The following TTK variants were observed in gnomAD, a reference collection of about 807,000 sequenced individuals.
TTK encodes the protein dual specificity protein kinase TTK.
TTK carries 59 observed loss-of-function variants against 117.3 expected under a neutral mutation model. The ratio of observed to expected loss-of-function variants is 0.50; its 90% CI spans 0.41 to 0.62. The LOEUF is 0.62. Among genes scored for constraint, TTK ranks in the 20% least tolerant of loss-of-function variants. The probability of loss-of-function intolerance (pLI) is 0.00; values close to 1 mark genes in which losing one functional copy is unlikely to be tolerated. For synonymous variants in TTK, 302 were observed against 325.0 expected (o/e 0.93, Z 0.76); for missense variants, 921 against 989.4 (o/e 0.93, Z 0.93).
At chr6:80,012,492 T>C (rs1248239323) in intron 8 of TTK, among the ~76,000 whole-genome samples, 3 of 152,000 alleles carry the variant, frequency 2.0e-5, no homozygotes, top group Non-Finnish European at 4.4e-5. Context: ...TCCCTCAATT[T>C]GCTTGTTTAT....
At chr6:80,022,603 T>C (rs967329520) in intron 11 of TTK, 131 bp downstream of exon 11, 1 of 1,045,592 alleles carries the variant, frequency 9.6e-7, no homozygotes, top group Admixed American at 3.1e-5. Flanking sequence ...TTAAAGGTTT[T>C]TAAAATCATT....
intron 10 of TTK, among the ~76,000 whole-genome samples, chr6:80,022,084 C>T (rs1767474154): frequency 6.6e-6 from 1 of 152,116 alleles, no homozygotes; most frequent in South Asian, 2.1e-4. Context: ...TTAAATGTGG[C>T]AAGGTCTCTG....
At chr6:80,024,612 G>C (rs1767556189) in intron 11 of TTK, among the ~76,000 whole-genome samples, 1 of 152,202 alleles carries the variant, frequency 6.6e-6, no homozygotes, top group Admixed American at 6.5e-5. Flanking sequence ...GGGGAGTGGG[G>C]AGTGATTGCT....
At chr6:80,036,645 T>C (rs1276171482) in intron 17 of TTK, 46 bp downstream of exon 17, 2 of 1,545,466 alleles carry the variant, frequency 1.3e-6, no homozygotes, top group Admixed American at 4.1e-5. Flanking sequence ...CAATTCTTTT[T>C]TTACCTGTGA....
In TTK at chr6:80,031,497, A is replaced by G; in HGVS notation, c.1552A>G (p.Ile518Val). 1 of 1,521,740 alleles carries G rather than the reference A, an allele frequency of 6.6e-7. No individual in the cohort carries two copies. 94.3% of individuals were successfully genotyped at this position (1,521,740 alleles called of 1,614,324 possible). A position where few individuals can be genotyped will look rare whatever the true frequency, so the allele number is the denominator to read the frequency against. Residue 518 changes from isoleucine to valine, a missense_variant, in exon 14 of 22, where the codon ATT becomes GTT. Ile to Val is a conservative substitution (Grantham distance 29, BLOSUM62 3). Coordinates refer to ENST00000369798, the MANE Select transcript of TTK (RefSeq NM_003318.5). ...VLASSSANEC[I>V]SVKGRIYSIL... The stretch of plus-strand genomic sequence containing the variant: ...AGCATCTTCTTCAGCAAATGAATGC[A>G]TTTCGGTTAAAGGAAGAATTTATTC...
In TTK at chr6:80,042,260, C is replaced by T. The variant is rs1415877956; in HGVS notation, c.*58C>T. 6.8e-6 allele frequency: 9 copies of T among 1,327,394 alleles called. No individual in the cohort carries two copies. The Admixed American group carries it at 8.2e-5, about 12-fold the overall frequency. The allele number at this position is 1,327,394 out of a possible 1,614,324, so 82.2% of individuals were successfully genotyped here. A position where few individuals can be genotyped will look rare whatever the true frequency, so the allele number is the denominator to read the frequency against. ...ATAAAATATATTGGACTGTTATACT[C>T]TTGAATCCCTGTGGAAATCTACATT... On this transcript the variant is annotated 3_prime_UTR_variant, in exon 22 of 22. Coordinates refer to ENST00000369798, the MANE Select transcript of TTK (RefSeq NM_003318.5).
At chr6:80,029,186 A>G in intron 13 of TTK, among the ~76,000 whole-genome samples, 1 of 152,188 alleles carries the variant, frequency 6.6e-6, no homozygotes, top group East Asian at 1.9e-4. Context: ...AAGAATGGGG[A>G]GTTACTGTTT....
intron 1 of TTK, among the ~76,000 whole-genome samples, chr6:80,005,498 A>C (rs1766966439): frequency 6.6e-6 from 1 of 152,244 alleles, no homozygotes; most frequent in South Asian, 2.1e-4. Flanking sequence ...TCACTACCAG[A>C]ATCCAAGCAA....
chr6:80,036,262 A>G (rs376889606), intron 16 of TTK, among the ~76,000 whole-genome samples: 60 of 152,298 alleles, frequency 3.9e-4, no homozygotes, highest in African/African-American at 1.3e-3. Flanking sequence ...TGATGTGAAG[A>G]TTAAATGATG....
Position 80,010,805 on chromosome 6 carries a change from C to T in TTK, c.470-9C>T. 1 of 1,599,230 alleles carries T rather than the reference C, an allele frequency of 6.3e-7. No individual in the cohort carries two copies. Among genetic ancestry groups the T allele is most frequent in the Non-Finnish European group, 8.5e-7 (1 of 1,171,138 alleles). The stretch of plus-strand genomic sequence containing the variant: ...GCCTAAAAATGACAATTATCTTTTG[C>T]TTTGTTAGGTAATGTCAAAAAAAGT... On this transcript the variant is annotated splice_polypyrimidine_tract_variant and intron_variant, in intron 4 of 21. Coordinates refer to ENST00000369798, the MANE Select transcript of TTK (RefSeq NM_003318.5).
At chr6:80,030,298 G>A (rs1401307137) in intron 13 of TTK, among the ~76,000 whole-genome samples, 1 of 152,182 alleles carries the variant, frequency 6.6e-6, no homozygotes, top group Non-Finnish European at 1.5e-5. Flanking sequence ...GGTACACAGA[G>A]AGATCCTCCA....
In TTK at chr6:80,022,491, T is replaced by A. The variant is rs762055167; in HGVS notation, c.1257+19T>A. 8.7e-6 allele frequency: 14 copies of A among 1,607,678 alleles called. No homozygotes were observed. The South Asian group carries it at 1.6e-4, about 18-fold the overall frequency. On this transcript the variant is annotated intron_variant, in intron 11 of 21. Coordinates refer to ENST00000369798, the MANE Select transcript of TTK (RefSeq NM_003318.5). ...TACAGAGGTAACTTTTCCACTAAAG[T>A]ACAATATTGCTTTTTTGTTCATAAT...
At chr6:80,040,915 A>G (rs1167842158) in intron 21 of TTK, among the ~76,000 whole-genome samples, 2 of 151,834 alleles carry the variant, frequency 1.3e-5, no homozygotes, top group Non-Finnish European at 3.0e-5. Flanking sequence ...TTCAAAGTAG[A>G]TCATCACATA....
chr6:80,028,211 T>A (rs1440438758), intron 13 of TTK, among the ~76,000 whole-genome samples, 200 bp downstream of exon 13: 1 of 152,170 alleles, frequency 6.6e-6, no homozygotes, highest in Admixed American at 6.6e-5. Context: ...CTTACGAAGC[T>A]ACTCTTAATA....
intron 3 of TTK, 56 bp downstream of exon 3, chr6:80,008,087 T>C (rs1210012286): frequency 6.5e-7 from 1 of 1,527,352 alleles, no homozygotes; most frequent in Non-Finnish European, 8.8e-7. Flanking sequence ...GTAACTACAC[T>C]GCAAAGAGAG....
At chr6:80,022,646 C>T (rs1389762874) in intron 11 of TTK, among the ~76,000 whole-genome samples, 174 bp downstream of exon 11, 1 of 152,212 alleles carries the variant, frequency 6.6e-6, no homozygotes, top group Non-Finnish European at 1.5e-5. Flanking sequence ...GTCATACGTT[C>T]AGTAAGTCAG....
At chr6:80,037,847 A>T (rs1767944844) in intron 17 of TTK, 120 bp from the exon 18 acceptor site, 1 of 428,536 alleles carries the variant, frequency 2.3e-6, no homozygotes, top group African/African-American at 2.3e-5. Context: ...TGTATTTTTA[A>T]GAATCTAAAA....
intron 10 of TTK, among the ~76,000 whole-genome samples, chr6:80,021,865 A>G (rs1267632614): frequency 6.6e-6 from 1 of 152,152 alleles, no homozygotes; most frequent in Non-Finnish European, 1.5e-5. Flanking sequence ...AACACTGTTC[A>G]TGGACATGCC....
chr6:80,035,200 T>G lies in TTK; in HGVS notation c.1772+58T>G, dbSNP rs1347058697. The G allele has an allele frequency of 2.6e-6, 4 of 1,533,574 alleles. No individual in the cohort carries two copies. In the East Asian group the frequency reaches 9.2e-5, roughly 35 times the overall value. 95.0% of individuals were successfully genotyped at this position (1,533,574 alleles called of 1,614,324 possible). On this transcript the variant is annotated intron_variant, in intron 15 of 21. Transcript: ENST00000369798. ...TTTTTGCCATAATTCTTCAGGTAAA[T>G]ATTTAGTAAACTTTAATATAACCTA...
Sources: allele counts gnomAD v4.1 joint callset (sites outside exome capture counted in the v4.1 genomes callset), GRCh38; gene constraint gnomAD v4.1.1; transcripts MANE v1.5; gene names NCBI Gene and HGNC (gene_info 2026-07-23, HGNC 2026-07-21).